Variants in DAPK1 observed in about 807,000 individuals in gnomAD.
DAPK1 encodes death-associated protein kinase 1.
In DAPK1, 56 loss-of-function variants were observed where a neutral mutation model predicts 144.9. The observed-to-expected ratio is 0.39, with a 90% confidence interval of 0.31 to 0.48. DAPK1 has a LOEUF of 0.48. Ranked by LOEUF, DAPK1 falls within the 20% of genes least tolerant of loss-of-function variation. The pLI is 0.95. For synonymous variants in DAPK1, 690 were observed against 749.0 expected, an observed-to-expected ratio of 0.92 and a Z score of 1.29; for missense variants, 1,454 against 1,875.4, an observed-to-expected ratio of 0.78 and a Z score of 4.15.
chr9:87,552,627 T>G (rs1455229555), intron 2 of DAPK1, among the ~76,000 whole-genome samples: 1 of 152,102 alleles, frequency 6.6e-6, no homozygotes, highest in East Asian at 1.9e-4. Flanking sequence ...GGTCTTGCTC[T>G]GTCACCCAGG....
rs143188033 is a variant in DAPK1 at position 87,698,230 on chromosome 9, C to T, written c.2612-426C>T. Among the ~76,000 whole-genome samples the T allele has an allele frequency of 6.6e-3, 1,010 of 152,212 alleles. 7 individuals are homozygous for T. Among genetic ancestry groups the T allele is most frequent in the South Asian group, 0.019 (90 of 4,810 alleles). On this transcript the variant is annotated intron_variant, in intron 22 of 25. Coordinates refer to ENST00000408954, the MANE Select transcript of DAPK1 (RefSeq NM_004938.4). Reference sequence around the variant, plus strand: ...TTTTTCCTTTGTTTTAAACACTCCCCGAAGTGGGAGGCTCTTTGTGTGACT... The same window carrying T: ...TTTTTCCTTTGTTTTAAACACTCCCTGAAGTGGGAGGCTCTTTGTGTGACT...
chr9:87,501,449 G>T (rs928029693), intron 2 of DAPK1, among the ~76,000 whole-genome samples: 27 of 152,198 alleles, frequency 1.8e-4, no homozygotes, highest in African/African-American at 6.5e-4. Context: ...GGAGGCTGAG[G>T]CATGAGAATC....
intron 19 of DAPK1, among the ~76,000 whole-genome samples, chr9:87,672,908 G>C (rs1824226492): frequency 6.6e-6 from 1 of 152,168 alleles, no homozygotes. Context: ...CTGACCTGCA[G>C]TTCTAACTTG....
At chr9:87,595,097 C>T (rs909760944) in intron 2 of DAPK1, among the ~76,000 whole-genome samples, 50 of 152,190 alleles carry the variant, frequency 3.3e-4, no homozygotes, top group Admixed American at 2.4e-3. Flanking sequence ...GGAAGCTGCC[C>T]GTTTAACTGG....
chr9:87,510,684 G>A (rs1457314662), intron 2 of DAPK1, among the ~76,000 whole-genome samples: 1 of 152,168 alleles, frequency 6.6e-6, no homozygotes, highest in African/African-American at 2.4e-5. Flanking sequence ...CTAAGTGCAC[G>A]GTAAGCCATG....
At chr9:87,701,925 G>T in intron 24 of DAPK1, 1 of 465,090 alleles carries the variant, frequency 2.2e-6, no homozygotes, top group Non-Finnish European at 4.5e-6. Context: ...GGCCTGGGAG[G>T]AATCTGTCAC....
In DAPK1 at chr9:87,702,007, G is replaced by A. The variant is rs866799629; in HGVS notation, c.2872-1022G>A. On this transcript the variant is annotated intron_variant, in intron 24 of 25. Transcript: ENST00000408954. ...CCCCTGTGCTTCCCCACCAGGTCTG[G>A]ATTGAGGCTGCATTCCTGAGGCAGG... The A allele has an allele frequency of 1.4e-5, 5 of 351,668 alleles. No homozygotes were observed. In the Middle Eastern group the frequency reaches 1.6e-3, roughly 115 times the overall value. The allele number at this position is 351,668 out of a possible 1,614,324, so 21.8% of individuals were successfully genotyped here.
chr9:87,571,436 AACACAC>A lies in DAPK1; in HGVS notation c.63-33485_63-33480del, dbSNP rs374135959. 3.8e-4 allele frequency among the ~76,000 whole-genome samples: 5 copies of A among 13,028 alleles called. 1 individual carries two copies. The highest frequency in any genetic ancestry group is 7.0e-4 in the Non-Finnish European group (5 of 7,144). 8.5% of individuals were successfully genotyped at this position (13,028 alleles called of 152,430 possible). ...GCCTAGGCCCCATCCCCCACCCCCC[AACACAC>A]ACACACACACACACACACACACACA... is the stretch of plus-strand genomic sequence containing the variant. On this transcript the variant is annotated intron_variant, in intron 2 of 25. Coordinates refer to ENST00000408954, the MANE Select transcript of DAPK1 (RefSeq NM_004938.4).
At chr9:87,679,115 T>C (rs566004531) in intron 19 of DAPK1, among the ~76,000 whole-genome samples, 3 of 151,252 alleles carry the variant, frequency 2.0e-5, no homozygotes, top group Admixed American at 6.6e-5. Flanking sequence ...CGTGGGTCCC[T>C]CTGAGTTCTG....
At chr9:87,525,532 T>C in intron 2 of DAPK1, 1 of 1,084,970 alleles carries the variant, frequency 9.2e-7, no homozygotes, top group Middle Eastern at 2.9e-4. Context: ...ACCATGATAG[T>C]TCTTTGTACA....
chr9:87,621,407 C>A (rs1453679884), intron 3 of DAPK1, among the ~76,000 whole-genome samples: 7 of 152,240 alleles, frequency 4.6e-5, no homozygotes, highest in African/African-American at 1.4e-4. Flanking sequence ...GGCTGGTGGG[C>A]TTCCCACCTG....
At chr9:87,618,091 A>G (rs1179984084) in intron 3 of DAPK1, among the ~76,000 whole-genome samples, 2 of 152,190 alleles carry the variant, frequency 1.3e-5, no homozygotes, top group South Asian at 2.1e-4. Flanking sequence ...AGCATCCTCT[A>G]GTTTCTCTCC....
rs865886507 is a variant in DAPK1, at chr9:87,681,703, G to T, written c.2224+77G>T. ...CTCTCTCCTTTCAAGGTCTAGGGGG[G>T]AAGGGAGTTGTGTTTGGGTCACTTG... is the stretch of plus-strand genomic sequence containing the variant. On this transcript the variant is annotated intron_variant, in intron 20 of 25. Transcript: ENST00000408954. 8.8e-6 allele frequency: 7 copies of T among 791,850 alleles called. No homozygotes were observed. In the Admixed American group the frequency reaches 1.2e-4, roughly 13 times the overall value. The allele number at this position is 791,850 out of a possible 1,614,324, so 49.1% of individuals were successfully genotyped here.
In DAPK1 at chr9:87,686,359, C is replaced by T. The variant is rs965576175; in HGVS notation, c.2225-192C>T. ...AAAGGTTGTGGGGAGGTAGAGCAAGCGGAAAAGCCCACAGCCTTGCTGGGA... is the reference window on the plus strand; with the variant it reads ...AAAGGTTGTGGGGAGGTAGAGCAAGTGGAAAAGCCCACAGCCTTGCTGGGA... On this transcript the variant is annotated intron_variant, in intron 20 of 25. Transcript: ENST00000408954. The surrounding 1 kb of genome is among the most constrained non-coding windows in gnomAD (Gnocchi z 4.2). 6.6e-6 allele frequency among the ~76,000 whole-genome samples: 1 copy of T among 152,106 alleles called. No homozygotes were observed. Among genetic ancestry groups the T allele is most frequent in the Non-Finnish European group, 1.5e-5 (1 of 68,020 alleles).
chr9:87,640,697 G>C, intron 8 of DAPK1, 105 bp from the exon 9 acceptor site: 2 of 1,280,910 alleles, frequency 1.6e-6, no homozygotes, highest in Non-Finnish European at 1.1e-6. Flanking sequence ...TCCCTGAACT[G>C]CATTTTCCAC....
chr9:87,683,794 G>A (rs750871419), intron 20 of DAPK1, among the ~76,000 whole-genome samples: 4 of 152,180 alleles, frequency 2.6e-5, no homozygotes, highest in East Asian at 1.9e-4. Context: ...GGGTCCTGGC[G>A]CGGGGGCAGA....
intron 18 of DAPK1, among the ~76,000 whole-genome samples, chr9:87,662,407 C>T (rs1397702801): frequency 6.6e-6 from 1 of 152,118 alleles, no homozygotes; most frequent in East Asian, 1.9e-4. Flanking sequence ...TAGATTGTTT[C>T]AGGCAGTATG....
At chr9:87,597,329 T>C (rs36206537) in intron 2 of DAPK1, among the ~76,000 whole-genome samples, 7,914 of 152,232 alleles carry the variant, frequency 0.052, 376 homozygotes, top group East Asian at 0.24. Context: ...AGCAAAGCTG[T>C]AGGGGCCTTT....
At chr9:87,572,808 C>A (rs1827407232) in intron 2 of DAPK1, among the ~76,000 whole-genome samples, 1 of 152,152 alleles carries the variant, frequency 6.6e-6, no homozygotes, top group Admixed American at 6.5e-5. Flanking sequence ...GTATTTCTTT[C>A]TTGCATTGCA....
Sources: gnomAD v4.1 joint callset for allele counts (sites outside exome capture counted in the v4.1 genomes callset) on GRCh38, gnomAD v4.1.1 for gene constraint, Gnocchi (gnomAD v3.1) non-coding constraint, MANE v1.5 for transcripts, NCBI Gene and HGNC (gene_info 2026-07-23, HGNC 2026-07-21) for gene names.